Variants in ADAM32 observed in about 807,000 individuals in gnomAD.
ADAM32 encodes ADAM metallopeptidase domain 32, also known as disintegrin and metalloproteinase domain-containing protein 32.
A neutral mutation model predicts 114.9 loss-of-function variants in ADAM32; 89 were observed. The observed-to-expected ratio is 0.77, with a 90% CI of 0.65 to 0.92. The LOEUF (loss-of-function observed/expected upper bound fraction) is 0.92. ADAM32 is among the 40% of genes least tolerant of loss of function. ADAM32 has a pLI of 0.00. For missense variants in ADAM32, 870 were observed against 932.8 expected (o/e 0.93, Z 0.88); for synonymous variants, 285 against 307.5 (o/e 0.93, Z 0.77).
Position 39,274,172 on chromosome 8 carries a change from A to G in ADAM32, c.2202-140A>G, listed in dbSNP as rs142449509. On this transcript the variant is annotated intron_variant, in intron 20 of 24. Coordinates refer to ENST00000379907, the MANE Select transcript of ADAM32 (RefSeq NM_145004.7). ...TATTTATTTGCATCTATGTTCAGTG[A>G]CCTTTGGACATCATTTTATTTATTA... 4 of 785,440 alleles carry G rather than the reference A, an allele frequency of 5.1e-6. No homozygotes were observed. The East Asian group carries it at 8.1e-5, about 16-fold the overall frequency. 48.7% of individuals were successfully genotyped at this position (785,440 alleles called of 1,614,324 possible).
At chr8:39,170,753 A>T (rs905425396) in intron 10 of ADAM32, among the ~76,000 whole-genome samples, 4 of 152,078 alleles carry the variant, frequency 2.6e-5, no homozygotes, top group Non-Finnish European at 5.9e-5. Context: ...TTAAATAAAA[A>T]AATTTTTAGA....
At chr8:39,141,121 T>C (rs1286535836) in intron 3 of ADAM32, among the ~76,000 whole-genome samples, 1 of 152,208 alleles carries the variant, frequency 6.6e-6, no homozygotes, top group Non-Finnish European at 1.5e-5. Flanking sequence ...ATCAATTTTG[T>C]TGATCTTTTC....
intron 11 of ADAM32, among the ~76,000 whole-genome samples, chr8:39,207,909 C>A (rs1057065156): frequency 1.3e-5 from 2 of 152,104 alleles, no homozygotes; most frequent in Non-Finnish European, 2.9e-5. Flanking sequence ...AGATTGCATT[C>A]CTTTTTATGG....
chr8:39,254,547 A>G (rs1811520103), intron 18 of ADAM32, 31 bp downstream of exon 18: 4 of 1,466,430 alleles, frequency 2.7e-6, no homozygotes, highest in East Asian at 5.0e-5. Flanking sequence ...ATACCCATTT[A>G]ATAAAATTCT....
intron 10 of ADAM32, among the ~76,000 whole-genome samples, chr8:39,180,396 C>T (rs1466642680): frequency 3.3e-5 from 5 of 152,234 alleles, no homozygotes; most frequent in Non-Finnish European, 5.9e-5. Flanking sequence ...TAAGCCTCCC[C>T]CGCCTCAGCC....
intron 19 of ADAM32, among the ~76,000 whole-genome samples, chr8:39,266,820 A>G (rs1224920923): frequency 6.6e-6 from 1 of 151,934 alleles, no homozygotes. Flanking sequence ...TTTTGTATGG[A>G]GCTTTCTGCT....
At chr8:39,282,285 T>C (rs1351153039) in intron 23 of ADAM32, among the ~76,000 whole-genome samples, 1 of 152,238 alleles carries the variant, frequency 6.6e-6, no homozygotes, top group East Asian at 1.9e-4. Context: ...GGGTTAATGC[T>C]CAATAAATAC....
At position 39,231,633 on chromosome 8, in the gene ADAM32, G is replaced by A. The variant is rs904452745; in HGVS notation, c.1526-394G>A. Among the ~76,000 whole-genome samples, 8 of 152,122 alleles carry A rather than the reference G, an allele frequency of 5.3e-5. No homozygotes were observed. In the South Asian group the frequency reaches 8.3e-4, roughly 16 times the overall value. ...AATTTAGACTACCTGAAGATACAACGAAGTTTCTTCTCATTGAAGAAATTT... is the reference window on the plus strand; with the variant it reads ...AATTTAGACTACCTGAAGATACAACAAAGTTTCTTCTCATTGAAGAAATTT... On this transcript the variant is annotated intron_variant, in intron 14 of 24. Coordinates refer to ENST00000379907, the MANE Select transcript of ADAM32 (RefSeq NM_145004.7).
chr8:39,164,355 GTTTA>G (rs1197155545), intron 7 of ADAM32, among the ~76,000 whole-genome samples: 1 of 152,196 alleles, frequency 6.6e-6, no homozygotes, highest in Non-Finnish European at 1.5e-5. Flanking sequence ...ATGTACTACA[GTTTA>G]TTTAACCATT....
intron 14 of ADAM32, chr8:39,224,300 A>G (rs1041459555): frequency 6.6e-6 from 1 of 152,110 alleles, no homozygotes; most frequent in South Asian, 2.1e-4. Flanking sequence ...CTCAGTTGGG[A>G]TTGGTGAATC....
At chr8:39,147,863 T>A (rs562627130) in intron 4 of ADAM32, among the ~76,000 whole-genome samples, 1 of 152,262 alleles carries the variant, frequency 6.6e-6, no homozygotes, top group African/African-American at 2.4e-5. Flanking sequence ...AACCTCCACC[T>A]CCTGGGTTCA....
intron 6 of ADAM32, among the ~76,000 whole-genome samples, chr8:39,158,910 G>A (rs34019150): frequency 6.6e-6 from 1 of 151,986 alleles, no homozygotes; most frequent in Non-Finnish European, 1.5e-5. Flanking sequence ...ATTTGGTGAA[G>A]TATCATTCTT....
At chr8:39,280,308 C>G (rs1009510818) in intron 22 of ADAM32, among the ~76,000 whole-genome samples, 1 of 151,980 alleles carries the variant, frequency 6.6e-6, no homozygotes, top group African/African-American at 2.4e-5. Flanking sequence ...AAGGAAAACC[C>G]TTTGTGACTG....
At chr8:39,214,054 A>G (rs1001194488) in intron 12 of ADAM32, among the ~76,000 whole-genome samples, 1 of 152,156 alleles carries the variant, frequency 6.6e-6, no homozygotes, top group East Asian at 1.9e-4. Flanking sequence ...TCCATTGTGT[A>G]TATGTACCAC....
At chr8:39,176,301 T>C (rs1039470544) in intron 10 of ADAM32, among the ~76,000 whole-genome samples, 1 of 152,134 alleles carries the variant, frequency 6.6e-6, no homozygotes, top group Non-Finnish European at 1.5e-5. Context: ...GAGATATTTC[T>C]AGCTTTTTGA....
In ADAM32 at chr8:39,270,876, A is replaced by G; in HGVS notation, c.2163A>G (p.Glu721=). 8 of 1,609,222 alleles carry G rather than the reference A, an allele frequency of 5.0e-6. No individual in the cohort carries two copies. Among genetic ancestry groups the G allele is most frequent in the Non-Finnish European group, 6.8e-6 (8 of 1,177,330 alleles). Residue 721 remains glutamate (E), a splice_region_variant and synonymous_variant, in exon 20 of 25, where the codon GAA becomes GAG. Coordinates refer to ENST00000379907, the MANE Select transcript of ADAM32 (RefSeq NM_145004.7). The part of the protein sequence containing the change: ...FAKEEEFPSS[E]SKSEGSTQTY... ...TGAGACATTTTCAATTTCTTTTTAG[A>G]TCTAAATCGGAAGGTAGCACACAGA... is the stretch of plus-strand genomic sequence containing the variant.
intron 16 of ADAM32, among the ~76,000 whole-genome samples, chr8:39,237,169 G>C (rs987942468): frequency 1.3e-5 from 2 of 152,158 alleles, no homozygotes; most frequent in African/African-American, 4.8e-5. Context: ...AACCATAAAA[G>C]TAGAAGAAGC....
chr8:39,133,254 C>G (rs1802574002), intron 2 of ADAM32, among the ~76,000 whole-genome samples: 1 of 152,172 alleles, frequency 6.6e-6, no homozygotes, highest in African/African-American at 2.4e-5. Flanking sequence ...CTTTCTTCCT[C>G]TCTCACCATG....
intron 17 of ADAM32, among the ~76,000 whole-genome samples, chr8:39,246,369 C>A (rs574375784): frequency 6.6e-6 from 1 of 152,118 alleles, no homozygotes; most frequent in East Asian, 1.9e-4. Context: ...TTGCTAATGA[C>A]CTAAATATAT....
Sources: allele counts gnomAD v4.1 joint callset (sites outside exome capture counted in the v4.1 genomes callset), GRCh38; gene constraint gnomAD v4.1.1; transcripts MANE v1.5; gene names NCBI Gene and HGNC (gene_info 2026-07-23, HGNC 2026-07-21).